Variants in ZNF718 observed in about 807,000 individuals in gnomAD.
ZNF718 encodes the protein zinc finger protein 718.
Under a neutral mutation model 2.6 loss-of-function variants are expected in ZNF718, and 3 were observed. The observed-to-expected ratio is 1.16, with a 90% CI of 0.53 to 3.01. ZNF718 has a LOEUF of 3.01. Among genes scored for constraint, ZNF718 ranks in the 30% most tolerant of loss-of-function variants. The pLI is 0.03. For synonymous variants in ZNF718, 135 were observed against 77.9 expected (o/e 1.73, Z -3.86); for missense variants, 468 against 230.0 (o/e 2.03, Z -6.69).
intron 3 of ZNF718, among the ~76,000 whole-genome samples, chr4:157,087 G>C (rs961506085): frequency 8.1e-5 from 8 of 98,560 alleles, no homozygotes; most frequent in Middle Eastern, 5.1e-3. Context: ...TTTTCTTTTT[G>C]TTTCTTTCTT....
At chr4:169,318 G>A (rs1717168420) in intron 3 of ZNF718, among the ~76,000 whole-genome samples, 1 of 152,180 alleles carries the variant, frequency 6.6e-6, no homozygotes. Flanking sequence ...TGAGAAGAAT[G>A]TATATTCTGT....
At chr4:157,279 A>T (rs1553813869) in intron 3 of ZNF718, among the ~76,000 whole-genome samples, 1 of 151,490 alleles carries the variant, frequency 6.6e-6, no homozygotes, top group Non-Finnish European at 1.5e-5. Context: ...TGCCCAGCTA[A>T]TTTTGTATGT....
At chr4:151,929 G>A (rs1716342392) in intron 3 of ZNF718, among the ~76,000 whole-genome samples, 1 of 150,996 alleles carries the variant, frequency 6.6e-6, no homozygotes, top group South Asian at 2.1e-4. Flanking sequence ...ATCATCCGTG[G>A]GTGTTTCTCA....
At chr4:198,986 C>G (rs1169532684) in intron 3 of ZNF718, among the ~76,000 whole-genome samples, 8 of 152,212 alleles carry the variant, frequency 5.3e-5, no homozygotes, top group Non-Finnish European at 1.0e-4. Context: ...TGGTCACAAA[C>G]CTGGAAATAG....
intron 3 of ZNF718, among the ~76,000 whole-genome samples, chr4:178,789 A>G (rs934147783): frequency 6.6e-6 from 1 of 152,196 alleles, no homozygotes; most frequent in Non-Finnish European, 1.5e-5. Context: ...TACATAAGGG[A>G]TGTTAATTCC....
rs1433192985 is a variant in ZNF718, at chr4:133,047, C to T, written c.226+1542C>T. Among the ~76,000 whole-genome samples, 3 of 94,854 alleles carry T rather than the reference C, an allele frequency of 3.2e-5. 1 individual carries two copies. The highest frequency in any genetic ancestry group is 1.2e-4 in the Admixed American group (1 of 8,474). The allele number at this position is 94,854 out of a possible 152,430, so 62.2% of individuals were successfully genotyped here. On this transcript the variant is annotated intron_variant, in intron 3 of 3. Transcript: ENST00000510175. The stretch of plus-strand genomic sequence containing the variant: ...CAAAAATTAGCCTGGCATGGTTGTG[C>T]GCACCTGTAATCCCAGCTACTTGGG...
rs191292139 is a variant in ZNF718 at position 146,986 on chromosome 4, C to G, written c.227-13926C>G. On this transcript the variant is annotated intron_variant, in intron 3 of 3. Transcript: ENST00000510175. ...GTTTTTATTTTTATTTTTTATTTTT[C>G]TTGAGACAGAGTCTCACTCTGTTGC... Among the ~76,000 whole-genome samples, 8 of 151,660 alleles carry G rather than the reference C, an allele frequency of 5.3e-5. No homozygotes were observed. The East Asian group carries it at 1.5e-3, about 29-fold the overall frequency.
chr4:132,757 T>C (rs1715377825), intron 3 of ZNF718, among the ~76,000 whole-genome samples: 1 of 104,894 alleles, frequency 9.5e-6, no homozygotes, highest in African/African-American at 3.3e-5. Context: ...GTTATTGTTT[T>C]AATATAAACT....
intron 3 of ZNF718, among the ~76,000 whole-genome samples, chr4:195,985 TTCTC>T (rs1717782439): frequency 1.3e-5 from 2 of 151,772 alleles, no homozygotes; most frequent in South Asian, 4.2e-4. Flanking sequence ...CCTCTTTCCT[TTCTC>T]TCTCTGCTTC....
In ZNF718 at chr4:128,774, C is replaced by T. The variant is rs1225556675; in HGVS notation, c.4-2014C>T. ...AGTGACTCATGCAGGGTTTGTTCCTCCCCTCACAGAAAGAATCTCCTTGGT... is the reference window on the plus strand; with the variant it reads ...AGTGACTCATGCAGGGTTTGTTCCTTCCCTCACAGAAAGAATCTCCTTGGT... On this transcript the variant is annotated intron_variant, in intron 1 of 3. Coordinates refer to ENST00000510175, the MANE Select transcript of ZNF718 (RefSeq NM_001039127.6). Among the ~76,000 whole-genome samples, 6 of 104,090 alleles carry T rather than the reference C, an allele frequency of 5.8e-5. 2 individuals carry two copies. Among genetic ancestry groups the T allele is most frequent in the Non-Finnish European group, 1.3e-4 (6 of 46,648 alleles). The allele number at this position is 104,090 out of a possible 152,430, so 68.3% of individuals were successfully genotyped here.
In ZNF718 at chr4:136,724, T is replaced by G. The variant is rs559778602; in HGVS notation, c.226+5219T>G. Among the ~76,000 whole-genome samples the G allele has an allele frequency of 4.6e-5, 7 of 152,372 alleles. No homozygotes were observed. In the South Asian group the frequency reaches 1.4e-3, roughly 32 times the overall value. ...CACTTTATTAGTATCTTATTTCACT[T>G]AAAATAATGGCTTTAAGATTTATCC... On this transcript the variant is annotated intron_variant, in intron 3 of 3. Coordinates refer to ENST00000510175, the MANE Select transcript of ZNF718 (RefSeq NM_001039127.6).
intron 3 of ZNF718, among the ~76,000 whole-genome samples, chr4:177,893 A>G (rs782058953): frequency 7.3e-5 from 11 of 151,328 alleles, no homozygotes; most frequent in Non-Finnish European, 1.6e-4. Context: ...ACATGAGCAG[A>G]AAAAAAAAGC....
intron 3 of ZNF718, among the ~76,000 whole-genome samples, chr4:193,199 C>T (rs190401621): frequency 9.9e-5 from 15 of 152,150 alleles, no homozygotes; most frequent in Admixed American, 7.2e-4. Flanking sequence ...TTCCACCTTG[C>T]GGCTCTTTTC....
Position 161,342 on chromosome 4 carries a change from A to G in ZNF718, c.657A>G (p.Arg219=), listed in dbSNP as rs1553815060. Reference sequence around the variant, plus strand: ...CCTCAATTCTTACTAAACATAAGAGAATTCATGCCAGAGAGAAATTCTACA... The same window carrying G: ...CCTCAATTCTTACTAAACATAAGAGGATTCATGCCAGAGAGAAATTCTACA... ...NWSSILTKHK[R]IHAREKFYKC... is the part of the protein sequence containing the mutation. Residue 219 remains arginine, a synonymous_variant, in exon 4 of 4, where the codon AGA becomes AGG. Transcript: ENST00000510175. 2 of 779,742 alleles carry G rather than the reference A, an allele frequency of 2.6e-6. No homozygotes were observed. Among genetic ancestry groups the G allele is most frequent in the East Asian group, 4.9e-5 (2 of 41,200 alleles). 48.3% of individuals were successfully genotyped at this position (779,742 alleles called of 1,614,324 possible).
chr4:175,260 T>G (rs1717324594), intron 3 of ZNF718, among the ~76,000 whole-genome samples: 1 of 152,206 alleles, frequency 6.6e-6, no homozygotes, highest in African/African-American at 2.4e-5. Context: ...AGATGGGTCT[T>G]TTGGATCGCA....
chr4:142,501 G>A (rs377740193), intron 3 of ZNF718, among the ~76,000 whole-genome samples: 1 of 152,150 alleles, frequency 6.6e-6, no homozygotes, highest in East Asian at 1.9e-4. Context: ...AACCCACACC[G>A]TGGGCTAAAG....
At chr4:151,513 T>C (rs550033021) in intron 3 of ZNF718, among the ~76,000 whole-genome samples, 5 of 150,458 alleles carry the variant, frequency 3.3e-5, no homozygotes, top group African/African-American at 1.2e-4. Context: ...AGAGTTTTGC[T>C]CTGATTGCCC....
intron 3 of ZNF718, among the ~76,000 whole-genome samples, chr4:199,681 A>G (rs542491802): frequency 5.6e-4 from 86 of 152,342 alleles, no homozygotes; most frequent in African/African-American, 2.0e-3. Context: ...TGGAGTGTTG[A>G]TGGGGTTAAA....
At chr4:145,845 ATTGACCAGGCTGGTT>A (rs1716029003) in intron 3 of ZNF718, among the ~76,000 whole-genome samples, 1 of 152,054 alleles carries the variant, frequency 6.6e-6, no homozygotes, top group Non-Finnish European at 1.5e-5. Context: ...GTCCCGCTAT[ATTGACCAGGCTGGTT>A]TTGAACTCCA....
Sources: allele counts gnomAD v4.1 joint callset (sites outside exome capture counted in the v4.1 genomes callset), GRCh38; gene constraint gnomAD v4.1.1; transcripts MANE v1.5; gene names NCBI Gene and HGNC (gene_info 2026-07-23, HGNC 2026-07-21).